Variants in RASGRF2 observed in about 807,000 individuals in gnomAD.
The protein encoded by RASGRF2 is Ras protein specific guanine nucleotide releasing factor 2.
In RASGRF2, 76 loss-of-function variants were observed where a neutral mutation model predicts 151.0. The ratio of observed to expected loss-of-function variants is 0.50; its 90% confidence interval spans 0.42 to 0.61. The LOEUF is 0.61. Among genes scored for constraint, RASGRF2 ranks in the 20% least tolerant of loss-of-function variants. The pLI is 0.00. For missense variants in RASGRF2, 1,148 were observed against 1,564.6 expected, an observed-to-expected ratio of 0.73 and a Z score of 4.49; for synonymous variants, 504 against 566.5, an observed-to-expected ratio of 0.89 and a Z score of 1.57.
intron 2 of RASGRF2, among the ~76,000 whole-genome samples, chr5:81,047,506 C>G (rs1027686033): frequency 2.6e-5 from 4 of 152,256 alleles, no homozygotes; most frequent in Non-Finnish European, 5.9e-5. Context: ...GCTGAACCTG[C>G]TCAAATCTCC....
chr5:81,004,508 A>G (rs145327038), intron 1 of RASGRF2, among the ~76,000 whole-genome samples: 85 of 152,338 alleles, frequency 5.6e-4, no homozygotes, highest in African/African-American at 1.9e-3. Flanking sequence ...CTGCATGTCC[A>G]ATAGCAGCAT....
chr5:81,019,851 G>A (rs506598), intron 1 of RASGRF2, among the ~76,000 whole-genome samples: 56,622 of 151,984 alleles, frequency 0.37, 10,732 homozygotes, highest in Middle Eastern at 0.53. Context: ...ATACACGTTT[G>A]TTATAAATGA....
At chr5:81,067,150 A>AT (rs2112450597) in intron 2 of RASGRF2, among the ~76,000 whole-genome samples, 2 of 152,338 alleles carry the variant, frequency 1.3e-5, no homozygotes, top group South Asian at 4.1e-4. Context: ...TTGGGATCAC[A>AT]TATCTCCTGG....
At chr5:80,977,524 A>G (rs957095761) in intron 1 of RASGRF2, among the ~76,000 whole-genome samples, 2 of 152,036 alleles carry the variant, frequency 1.3e-5, no homozygotes, top group African/African-American at 2.4e-5. Context: ...GTGCAATGAC[A>G]CAATCTCAGC....
intron 1 of RASGRF2, among the ~76,000 whole-genome samples, chr5:81,036,090 T>A (rs1750482675): frequency 1.3e-5 from 2 of 152,094 alleles, no homozygotes. Flanking sequence ...TACCAACAAA[T>A]GTTATAAAGA....
intron 18 of RASGRF2, among the ~76,000 whole-genome samples, chr5:81,185,128 G>A (rs1754997493): frequency 6.6e-6 from 1 of 152,174 alleles, no homozygotes; most frequent in African/African-American, 2.4e-5. Context: ...ACCCACCTGT[G>A]GGAAGTTGAG....
chr5:81,191,909 C>T (rs754473318), intron 18 of RASGRF2, among the ~76,000 whole-genome samples: 10 of 152,134 alleles, frequency 6.6e-5, no homozygotes, highest in African/African-American at 2.4e-4. Flanking sequence ...TTTTCCTTCT[C>T]ACTGAATTAG....
chr5:81,029,658 A>C (rs1363316570), intron 1 of RASGRF2, among the ~76,000 whole-genome samples: 4 of 152,254 alleles, frequency 2.6e-5, no homozygotes, highest in Non-Finnish European at 4.4e-5. Context: ...CGTCACCATC[A>C]TCAAAGACCA....
chr5:81,023,403 G>A (rs1043910271), intron 1 of RASGRF2, among the ~76,000 whole-genome samples: 1 of 152,118 alleles, frequency 6.6e-6, no homozygotes, highest in South Asian at 2.1e-4. Flanking sequence ...TACCATCCAG[G>A]GTGTCTGCTG....
At chr5:81,120,096 C>T (rs1055198219) in intron 15 of RASGRF2, among the ~76,000 whole-genome samples, 1 of 152,112 alleles carries the variant, frequency 6.6e-6, no homozygotes, top group African/African-American at 2.4e-5. Flanking sequence ...CTAATGCATC[C>T]CCCTTAGCTC....
chr5:81,167,245 T>C (rs540919272), intron 17 of RASGRF2, among the ~76,000 whole-genome samples: 2 of 152,334 alleles, frequency 1.3e-5, no homozygotes, highest in African/African-American at 4.8e-5. Flanking sequence ...AAGAACTCAC[T>C]GTAATACATA....
At chr5:81,078,674 G>A (rs1752004580) in intron 5 of RASGRF2, among the ~76,000 whole-genome samples, 1 of 152,186 alleles carries the variant, frequency 6.6e-6, no homozygotes, top group South Asian at 2.1e-4. Context: ...CAGGTTTATA[G>A]TTAAGAAAAT....
rs1749317649 is a variant in RASGRF2, at chr5:81,007,718, C to T, written c.289-35159C>T. 7.9e-5 allele frequency among the ~76,000 whole-genome samples: 12 copies of T among 152,306 alleles called. No individual in the cohort carries two copies. In the South Asian group the frequency reaches 2.5e-3, roughly 32 times the overall value. ...CAGATCAGCTGCCCCTCCACGATAA[C>T]TGCTTGACTTGCTCACCTAATCGCA... On this transcript the variant is annotated intron_variant, in intron 1 of 26. Transcript: ENST00000265080.
chr5:81,151,850 A>G (rs1754142817), intron 17 of RASGRF2, among the ~76,000 whole-genome samples: 1 of 152,294 alleles, frequency 6.6e-6, no homozygotes, highest in African/African-American at 2.4e-5. Context: ...ATAGTTTCCA[A>G]TGTGGTTCAA....
rs1753070008 is a variant in RASGRF2, at chr5:81,113,757, C to T, written c.2307C>T (p.Thr769=). 3.1e-6 allele frequency: 5 copies of T among 1,614,030 alleles called. No homozygotes were observed. Among genetic ancestry groups the T allele is most frequent in the Non-Finnish European group, 4.2e-6 (5 of 1,180,028 alleles). ...DLTTSSSPTT[T]TQSPAASPPP... is the part of the protein sequence containing the mutation. ...CAACTTCCAGCAGTCCCACCACCAC[C>T]ACCCAGAGTCCCGCTGCGTCTCCAC... The change falls in exon 15 of 27, where the codon ACC becomes ACT. Residue 769 remains threonine (T), a synonymous_variant. Transcript: ENST00000265080.
In RASGRF2 at chr5:81,171,788, G is replaced by GC. The variant is rs1754664096; in HGVS notation, c.2687-8383dup. Among the ~76,000 whole-genome samples, 3 of 152,068 alleles carry GC rather than the reference G, an allele frequency of 2.0e-5. No individual in the cohort carries two copies. In the South Asian group the frequency reaches 6.2e-4, roughly 32 times the overall value. The stretch of plus-strand genomic sequence containing the variant: ...CTTCTAACCCATCCCTTTCCTTCTT[G>GC]CCCCAGACAATTTCTGGAAGTCTTT... On this transcript the variant is annotated intron_variant, in intron 17 of 26. Transcript: ENST00000265080.
chr5:81,011,743 A>G (rs901807348), intron 1 of RASGRF2, among the ~76,000 whole-genome samples: 10 of 56,016 alleles, frequency 1.8e-4, no homozygotes, highest in Non-Finnish European at 2.4e-4. Context: ...CTCCATCTCA[A>G]CAAACAAACA....
At chr5:81,031,056 C>T (rs996113585) in intron 1 of RASGRF2, among the ~76,000 whole-genome samples, 4 of 152,094 alleles carry the variant, frequency 2.6e-5, no homozygotes, top group Non-Finnish European at 4.4e-5. Flanking sequence ...ACAAAGAAGG[C>T]CATTACATAA....
At position 81,212,491 on chromosome 5, in the gene RASGRF2, G is replaced by A; in HGVS notation, c.3282G>A (p.Leu1094=). Reference sequence around the variant, plus strand: ...GCCTGCACAACTACAACGGCGTGCTGGAGATCACCTCGGCCTTAAACAGAA... The same window carrying A: ...GCCTGCACAACTACAACGGCGTGCTAGAGATCACCTCGGCCTTAAACAGAA... The part of the protein sequence containing the change: ...CRCLHNYNGV[L]EITSALNRSA... Residue 1094 remains leucine (L), a synonymous_variant, in exon 23 of 27, where the codon CTG becomes CTA. Coordinates refer to ENST00000265080, the MANE Select transcript of RASGRF2 (RefSeq NM_006909.3). 6.2e-7 allele frequency: 1 copy of A among 1,613,754 alleles called. No individual in the cohort carries two copies. Among genetic ancestry groups the A allele is most frequent in the Non-Finnish European group, 8.5e-7 (1 of 1,179,882 alleles).
Sources: allele counts gnomAD v4.1 joint callset (sites outside exome capture counted in the v4.1 genomes callset), GRCh38; gene constraint gnomAD v4.1.1; transcripts MANE v1.5; gene names NCBI Gene and HGNC (gene_info 2026-07-23, HGNC 2026-07-21).